MED13L: variants seen among roughly 807,000 people sequenced by gnomAD.
MED13L encodes mediator of RNA polymerase II transcription subunit 13-like.
MED13L carries 7 observed loss-of-function variants against 220.9 expected under a neutral mutation model. The ratio of observed to expected loss-of-function variants is 0.03; its 90% CI spans 0.02 to 0.06. The LOEUF is 0.06. MED13L is among the 10% of genes least tolerant of loss of function. The pLI is 1.00. For missense variants in MED13L, 1,965 were observed against 2,760.5 expected, an observed-to-expected ratio of 0.71 and a Z score of 6.46; for synonymous variants, 1,011 against 1,015.2, an observed-to-expected ratio of 1.00 and a Z score of 0.08.
At chr12:115,980,672 C>T in intron 23 of MED13L, 78 bp downstream of exon 23, 2 of 1,481,512 alleles carry the variant, frequency 1.3e-6, no homozygotes, top group Non-Finnish European at 9.4e-7. Flanking sequence ...ACCAGCCAAT[C>T]TCTGGGTTAG....
intron 1 of MED13L, chr12:116,276,611 T>A: frequency 3.3e-6 from 4 of 1,196,476 alleles, no homozygotes; most frequent in Non-Finnish European, 4.2e-6. Context: ...TTTAAAAAAA[T>A]TCAAAAGGCA....
chr12:116,109,904 G>A lies in MED13L; in HGVS notation c.395+1524C>T, dbSNP rs76712323. 1.6e-3 allele frequency among the ~76,000 whole-genome samples: 240 copies of A among 152,266 alleles called. 1 individual carries two copies. Among genetic ancestry groups the A allele is most frequent in the African/African-American group, 5.1e-3 (211 of 41,548 alleles). On this transcript the variant is annotated intron_variant, in intron 3 of 30. Coordinates refer to ENST00000281928, the MANE Select transcript of MED13L (RefSeq NM_015335.5). ...AGAATGAGAAATAGAGAAATCTTCC[G>A]TCAGAAAAGTCTTTCTGAGTAGCTT...
rs571694197 is a variant in MED13L at position 116,009,029 on chromosome 12, G to C, written c.1384C>G (p.Pro462Ala). ...GPSSSSSLPPPASSKHKTAER... is the reference protein window; with the variant it reads ...GPSSSSSLPPAASSKHKTAER... ...GCTGTTTTGTGCTTAGAAGAAGCAG[G>C]AGGTGGTAAAGATGAAGATGATGAT... Residue 462 changes from proline (P) to alanine (A), a missense_variant, in exon 10 of 31, where the codon CCT becomes GCT. By Grantham distance (27) the Pro-to-Ala change is conservative (BLOSUM62 -1). Transcript: ENST00000281928. 4 of 1,614,074 alleles carry C rather than the reference G, an allele frequency of 2.5e-6. No homozygotes were observed. Among genetic ancestry groups the C allele is most frequent in the South Asian group, 1.1e-5 (1 of 91,076 alleles).
chr12:116,128,187 G>C (rs1875756786), intron 2 of MED13L, among the ~76,000 whole-genome samples: 1 of 152,124 alleles, frequency 6.6e-6, no homozygotes. Context: ...ATATGTACAA[G>C]GGCAATGTCA....
intron 2 of MED13L, among the ~76,000 whole-genome samples, chr12:116,189,111 TG>T (rs888183026): frequency 3.9e-5 from 6 of 152,194 alleles, no homozygotes; most frequent in African/African-American, 1.4e-4. Flanking sequence ...TGGCATGTTT[TG>T]TTTTTTAAGA....
intron 2 of MED13L, among the ~76,000 whole-genome samples, chr12:116,135,787 A>C (rs1414344179): frequency 6.6e-6 from 1 of 152,190 alleles, no homozygotes; most frequent in Non-Finnish European, 1.5e-5. Flanking sequence ...AGTCAATCAG[A>C]TACACAAAGG....
chr12:116,009,030 A>G lies in MED13L; in HGVS notation c.1383T>C (p.Pro461=), dbSNP rs767989881. The change falls in exon 10 of 31, where the codon CCT becomes CCC. Residue 461 remains proline (P), a synonymous_variant. Transcript: ENST00000281928. ...AGPSSSSSLP[P]PASSKHKTAE... is the part of the protein sequence containing the mutation. ...CTGTTTTGTGCTTAGAAGAAGCAGG[A>G]GGTGGTAAAGATGAAGATGATGATG... is the stretch of plus-strand genomic sequence containing the variant. The G allele has an allele frequency of 1.2e-6, 2 of 1,614,068 alleles. No individual in the cohort carries two copies. Among genetic ancestry groups the G allele is most frequent in the Non-Finnish European group, 1.7e-6 (2 of 1,179,996 alleles).
In MED13L at chr12:116,128,130, T is replaced by C. The variant is rs548727265; in HGVS notation, c.311-16618A>G. On this transcript the variant is annotated intron_variant, in intron 2 of 30. Transcript: ENST00000281928. ...TGTAGCAGACAACTGTAAGAAATTATTCATTTACTACTTGTCTTCTCACCC... is the reference window on the plus strand; with the variant it reads ...TGTAGCAGACAACTGTAAGAAATTACTCATTTACTACTTGTCTTCTCACCC... Among the ~76,000 whole-genome samples, 9 of 152,338 alleles carry C rather than the reference T, an allele frequency of 5.9e-5. No homozygotes were observed. The East Asian group carries it at 1.5e-3, about 26-fold the overall frequency.
chr12:116,186,979 A>G (rs904836025), intron 2 of MED13L, among the ~76,000 whole-genome samples: 3 of 152,278 alleles, frequency 2.0e-5, no homozygotes, highest in South Asian at 4.1e-4. Context: ...CTTCAACTCC[A>G]AACAGCTGCT....
At chr12:115,996,413 CATTT>C (rs775506098) in intron 16 of MED13L, 59 bp downstream of exon 16, 19 of 1,550,934 alleles carry the variant, frequency 1.2e-5, no homozygotes, top group Non-Finnish European at 1.6e-5. Context: ...TTTTAACAAA[CATTT>C]AGTTAAGATA....
intron 2 of MED13L, among the ~76,000 whole-genome samples, chr12:116,135,844 G>T (rs1335124705): frequency 6.6e-6 from 1 of 151,492 alleles, no homozygotes; most frequent in African/African-American, 2.4e-5. Context: ...CAGAAACTAT[G>T]TTCAGTATAC....
chr12:116,223,247 T>G (rs952918480), intron 2 of MED13L, among the ~76,000 whole-genome samples: 13 of 152,226 alleles, frequency 8.5e-5, no homozygotes, highest in Admixed American at 2.0e-4. Context: ...TAATAAATAG[T>G]GCTCTTCCAC....
At chr12:116,251,864 T>C (rs975236547) in intron 1 of MED13L, among the ~76,000 whole-genome samples, 4 of 150,750 alleles carry the variant, frequency 2.7e-5, no homozygotes, top group Non-Finnish European at 5.9e-5. Flanking sequence ...AAAAAAGATA[T>C]ACTGTGCAAA....
rs148755927 is a variant in MED13L at position 116,140,103 on chromosome 12, T to C, written c.311-28591A>G. ...TTTTATAACTCACCTAGGAACAAAATTGTCACAAAGAAAAATCTGCATAAA... is the reference window on the plus strand; with the variant it reads ...TTTTATAACTCACCTAGGAACAAAACTGTCACAAAGAAAAATCTGCATAAA... On this transcript the variant is annotated intron_variant, in intron 2 of 30. Transcript: ENST00000281928. Among the ~76,000 whole-genome samples, 1,159 of 152,002 alleles carry C rather than the reference T, an allele frequency of 7.6e-3. 20 individuals are homozygous for C. Among genetic ancestry groups the C allele is most frequent in the African/African-American group, 0.026 (1,090 of 41,442 alleles).
rs77958716 is a variant in MED13L, at chr12:115,962,413, G to A, written c.6500+994C>T. ...CCTGACAGGAGGCGGAGCACAGGCT[G>A]TAATGCTCGCTCACTTGCTACTTAC... On this transcript the variant is annotated intron_variant, in intron 30 of 30. Transcript: ENST00000281928. Among the ~76,000 whole-genome samples, 822 of 152,324 alleles carry A rather than the reference G, an allele frequency of 5.4e-3. 3 individuals are homozygous for A. Among genetic ancestry groups the A allele is most frequent in the Non-Finnish European group, 8.1e-3 (549 of 68,028 alleles).
At chr12:116,106,779 G>C (rs939786383) in intron 3 of MED13L, among the ~76,000 whole-genome samples, 9 of 151,002 alleles carry the variant, frequency 6.0e-5, no homozygotes, top group African/African-American at 1.7e-4. Context: ...CCGAGAGGCA[G>C]AGATTGCAGT....
chr12:116,185,390 G>A (rs539456976), intron 2 of MED13L, among the ~76,000 whole-genome samples: 25 of 151,068 alleles, frequency 1.7e-4, no homozygotes, highest in Non-Finnish European at 2.7e-4. Context: ...GAGAGGACAC[G>A]AATTCATTCT....
intron 2 of MED13L, among the ~76,000 whole-genome samples, chr12:116,129,115 T>C (rs2137993781): frequency 6.6e-6 from 1 of 152,356 alleles, no homozygotes; most frequent in Middle Eastern, 3.4e-3. Context: ...TCACCAATTT[T>C]TAAAACAGAA....
chr12:116,234,580 G>A (rs745873671), intron 2 of MED13L, among the ~76,000 whole-genome samples: 1 of 151,726 alleles, frequency 6.6e-6, no homozygotes, highest in Non-Finnish European at 1.5e-5. Flanking sequence ...ACAGTAAAAT[G>A]TCCCTATTTA....
Sources: gnomAD v4.1 joint callset for allele counts (sites outside exome capture counted in the v4.1 genomes callset) on GRCh38, gnomAD v4.1.1 for gene constraint, MANE v1.5 for transcripts, NCBI Gene and HGNC (gene_info 2026-07-23, HGNC 2026-07-21) for gene names.